PSPC1: variants seen among roughly 807,000 people sequenced by gnomAD.
PSPC1 encodes the protein paraspeckle component 1.
Under a neutral mutation model 51.6 loss-of-function variants are expected in PSPC1, and 14 were observed. That is an observed-to-expected ratio of 0.27 (90% confidence interval 0.18 to 0.42). PSPC1 has a LOEUF of 0.42. PSPC1 is among the 10% of genes least tolerant of loss of function. The pLI is 1.00. For missense variants in PSPC1, 406 were observed against 701.1 expected (o/e 0.58, Z 4.75); for synonymous variants, 193 against 231.9 (o/e 0.83, Z 1.53).
chr13:19,777,477 C>A (rs973042320), intron 1 of PSPC1, among the ~76,000 whole-genome samples: 4 of 149,578 alleles, frequency 2.7e-5, no homozygotes, highest in Admixed American at 2.0e-4. Context: ...AAAATTTTCA[C>A]CAAATGGCGA....
downstream of PSPC1, chr13:19,672,922 G>A: frequency 2.7e-6 from 1 of 365,368 alleles, no homozygotes; most frequent in South Asian, 2.2e-5. Flanking sequence ...AACATGGGGT[G>A]GAACAAGCCT....
chr13:19,731,049 C>T (rs1566002681), intron 5 of PSPC1, among the ~76,000 whole-genome samples: 1 of 150,400 alleles, frequency 6.6e-6, no homozygotes, highest in Non-Finnish European at 1.5e-5. Flanking sequence ...CAGAACATAT[C>T]CAGAGATAAG....
At chr13:19,724,446 T>C (rs895580924) in intron 6 of PSPC1, among the ~76,000 whole-genome samples, 31 of 152,038 alleles carry the variant, frequency 2.0e-4, no homozygotes, top group Admixed American at 6.6e-5. Context: ...AAAAAGCCCA[T>C]GCAAGAGGCA....
At chr13:19,744,391 C>G (rs577354750) in intron 4 of PSPC1, among the ~76,000 whole-genome samples, 1 of 152,206 alleles carries the variant, frequency 6.6e-6, no homozygotes, top group African/African-American at 2.4e-5. Flanking sequence ...CTTAAAAGAA[C>G]TATAAACTTA....
intron 4 of PSPC1, among the ~76,000 whole-genome samples, chr13:19,748,355 A>G (rs1320791167): frequency 1.3e-5 from 2 of 152,260 alleles, no homozygotes; most frequent in African/African-American, 2.4e-5. Flanking sequence ...GTACTTCGGC[A>G]CAAGTGAACC....
chr13:19,782,860 C>A lies in PSPC1; in HGVS notation c.-103G>T. On this transcript the variant is annotated 5_prime_UTR_variant, in exon 1 of 9. Coordinates refer to ENST00000338910, the MANE Select transcript of PSPC1 (RefSeq NM_001354909.2). This position sits in a 1 kb window ranked among gnomAD's most constrained non-coding sequence, Gnocchi z 4.5. ...ACATAAACCTATGCCAACAAAATAT[C>A]GACAATCAAGAGACCGCTAGGTAGG... is the stretch of plus-strand genomic sequence containing the variant. 7.7e-7 allele frequency: 1 copy of A among 1,305,568 alleles called. No individual in the cohort carries two copies. The highest frequency in any genetic ancestry group is 2.3e-5 in the South Asian group (1 of 44,390). The allele number at this position is 1,305,568 out of a possible 1,614,324, so 80.9% of individuals were successfully genotyped here.
chr13:19,693,701 G>A (rs2137660369), intron 6 of PSPC1, among the ~76,000 whole-genome samples: 1 of 152,296 alleles, frequency 6.6e-6, no homozygotes, highest in East Asian at 1.9e-4. Context: ...AGTGAAAGGG[G>A]TGTAAAACTT....
chr13:19,742,270 A>AAC (rs1405122840), intron 4 of PSPC1, among the ~76,000 whole-genome samples: 1 of 151,688 alleles, frequency 6.6e-6, no homozygotes, highest in Non-Finnish European at 1.5e-5. Context: ...CAAAAAAAAA[A>AAC]AAAAAACAAA....
In PSPC1 at chr13:19,729,959, T is replaced by C. The variant is rs1883845091; in HGVS notation, c.1158+280A>G. Among the ~76,000 whole-genome samples the C allele has an allele frequency of 2.0e-5, 3 of 152,330 alleles. 1 individual carries two copies. In the South Asian group the frequency reaches 6.2e-4, roughly 32 times the overall value. On this transcript the variant is annotated intron_variant, in intron 6 of 8. Coordinates refer to ENST00000338910, the MANE Select transcript of PSPC1 (RefSeq NM_001354909.2). Reference sequence around the variant, plus strand: ...GAAAATCAGTCAAGTGGAAATGATGTATATATCAAGATTTCTAACTTAATA... The same window carrying C: ...GAAAATCAGTCAAGTGGAAATGATGCATATATCAAGATTTCTAACTTAATA...
Position 19,772,539 on chromosome 13 carries a change from G to T in PSPC1, c.377C>A (p.Ser126Tyr). Reference sequence around the variant, plus strand: ...TTTTGCAATTTCAGCCAGGGTTCTGGATTCCTTTTTAGGAAGAAAAAACAT... The same window carrying T: ...TTTTGCAATTTCAGCCAGGGTTCTGTATTCCTTTTTAGGAAGAAAAAACAT... The part of the protein sequence containing the change: ...DRGFGFIRLE[S>Y]RTLAEIAKAE... The change falls in exon 2 of 9, where the codon TCC (serine) becomes TAC (tyrosine). Residue 126 changes from serine to tyrosine, a missense_variant. This residue lies in a region of PSPC1 where 180 missense variants were observed against 337.9 expected (regional missense o/e 0.53). Coordinates refer to ENST00000338910, the MANE Select transcript of PSPC1 (RefSeq NM_001354909.2). 6.3e-7 allele frequency: 1 copy of T among 1,579,408 alleles called. No homozygotes were observed.
At chr13:19,730,728 C>T (rs183185992) in intron 5 of PSPC1, among the ~76,000 whole-genome samples, 5 of 151,818 alleles carry the variant, frequency 3.3e-5, no homozygotes, top group African/African-American at 9.7e-5. Context: ...GAGGTTGAGG[C>T]GAGTACATCA....
At chr13:19,778,429 G>T (rs1256349213) in intron 1 of PSPC1, among the ~76,000 whole-genome samples, 1 of 108,202 alleles carries the variant, frequency 9.2e-6, no homozygotes, top group Non-Finnish European at 1.8e-5. Flanking sequence ...CCTCTCATGC[G>T]GAGCCGAAGC....
At chr13:19,712,780 G>T (rs1188003781) in intron 6 of PSPC1, among the ~76,000 whole-genome samples, 1 of 151,784 alleles carries the variant, frequency 6.6e-6, no homozygotes, top group African/African-American at 2.4e-5. Context: ...TAGTAATGTT[G>T]ACAATATCTT....
At chr13:19,676,127 T>A (rs761276408) in intron 7 of PSPC1, among the ~76,000 whole-genome samples, 1 of 152,232 alleles carries the variant, frequency 6.6e-6, no homozygotes, top group Non-Finnish European at 1.5e-5. Flanking sequence ...ACAGGCTTGA[T>A]CTATGCCACA....
intron 4 of PSPC1, among the ~76,000 whole-genome samples, chr13:19,750,666 T>C (rs1886452878): frequency 6.6e-6 from 1 of 152,162 alleles, no homozygotes; most frequent in Non-Finnish European, 1.5e-5. Context: ...TACCAAAATT[T>C]GCCTGCTATG....
intron 1 of PSPC1, among the ~76,000 whole-genome samples, chr13:19,773,156 T>C (rs1888777562): frequency 6.6e-6 from 1 of 151,530 alleles, no homozygotes; most frequent in East Asian, 1.9e-4. Context: ...CAAGACTCTG[T>C]CTCGGAAAAA....
chr13:19,723,939 T>C (rs183180299), intron 6 of PSPC1, among the ~76,000 whole-genome samples: 16 of 152,336 alleles, frequency 1.1e-4, no homozygotes, highest in Non-Finnish European at 7.3e-5. Context: ...TCCAAACCAC[T>C]GGGACTAGGC....
intron 6 of PSPC1, among the ~76,000 whole-genome samples, chr13:19,721,926 C>T (rs559067016): frequency 6.6e-6 from 1 of 152,302 alleles, no homozygotes; most frequent in East Asian, 1.9e-4. Flanking sequence ...CCTATGTTTT[C>T]CAAAGTGCCA....
At position 19,772,534 on chromosome 13, in the gene PSPC1, T is replaced by C; in HGVS notation, c.382A>G (p.Thr128Ala). 1 of 1,579,836 alleles carries C rather than the reference T, an allele frequency of 6.3e-7. No individual in the cohort carries two copies. Residue 128 changes from threonine to alanine, a missense_variant, in exon 2 of 9, where the codon ACC (threonine) becomes GCC (alanine). Thr to Ala is a moderately conservative substitution (Grantham distance 58). Transcript: ENST00000338910. ...GFGFIRLESR[T>A]LAEIAKAELD... ...TCTGCTTTTGCAATTTCAGCCAGGGTTCTGGATTCCTTTTTAGGAAGAAAA... is the reference window on the plus strand; with the variant it reads ...TCTGCTTTTGCAATTTCAGCCAGGGCTCTGGATTCCTTTTTAGGAAGAAAA...
Sources: gnomAD v4.1 joint callset for allele counts (sites outside exome capture counted in the v4.1 genomes callset) on GRCh38, gnomAD v4.1.1 for gene constraint, gnomAD v4.1.1 regional missense constraint, Gnocchi (gnomAD v3.1) non-coding constraint, MANE v1.5 for transcripts, NCBI Gene and HGNC (gene_info 2026-07-23, HGNC 2026-07-21) for gene names.